The following GUCY1A1 variants were observed in gnomAD, a reference collection of about 807,000 sequenced individuals.
The protein encoded by GUCY1A1 is guanylate cyclase 1 soluble subunit alpha 1.
A neutral mutation model predicts 64.5 loss-of-function variants in GUCY1A1; 48 were observed. The ratio of observed to expected loss-of-function variants is 0.74; its 90% CI spans 0.59 to 0.95. The LOEUF (loss-of-function observed/expected upper bound fraction) is 0.95. GUCY1A1 is among the 40% of genes least tolerant of loss of function. GUCY1A1 has a pLI of 0.00. For missense variants in GUCY1A1, 804 were observed against 825.3 expected, an observed-to-expected ratio of 0.97 and a Z score of 0.32; for synonymous variants, 308 against 303.4, an observed-to-expected ratio of 1.02 and a Z score of -0.16.
intron 2 of GUCY1A1, among the ~76,000 whole-genome samples, chr4:155,696,115 A>G (rs919547173): frequency 1.3e-5 from 2 of 152,198 alleles, no homozygotes; most frequent in Non-Finnish European, 2.9e-5. Flanking sequence ...CTTGGGGATC[A>G]GGAGTTCTGA....
In GUCY1A1 at chr4:155,710,723, G is replaced by A. The variant is rs1732450557; in HGVS notation, c.558G>A (p.Glu186=). Residue 186 remains glutamate (E), a synonymous_variant, in exon 6 of 10, where the codon GAG becomes GAA. Transcript: ENST00000506455. The part of the protein sequence containing the change: ...CQEAGKRGRL[E]DASILCLDKE... ...AAGCAGGAAAAAGGGGCAGGCTTGAGGACGCCTCCATTCTATGCCTGGATA... is the reference window on the plus strand; with the variant it reads ...AAGCAGGAAAAAGGGGCAGGCTTGAAGACGCCTCCATTCTATGCCTGGATA... The A allele has an allele frequency of 6.2e-7, 1 of 1,614,100 alleles. No individual in the cohort carries two copies. Among genetic ancestry groups the A allele is most frequent in the South Asian group, 1.1e-5 (1 of 91,088 alleles).
intron 7 of GUCY1A1, among the ~76,000 whole-genome samples, chr4:155,713,991 T>C (rs1732921537): frequency 6.6e-6 from 1 of 152,214 alleles, no homozygotes; most frequent in Admixed American, 6.5e-5. Context: ...AAGGAAACAT[T>C]ATCCTTTGTA....
intron 4 of GUCY1A1, among the ~76,000 whole-genome samples, chr4:155,706,985 T>C (rs1373692125): frequency 6.6e-6 from 1 of 152,222 alleles, no homozygotes; most frequent in Non-Finnish European, 1.5e-5. Context: ...GCATGAAGAA[T>C]AGGTTTCTTT....
At chr4:155,715,369 C>G (rs1733090116) in intron 7 of GUCY1A1, among the ~76,000 whole-genome samples, 1 of 152,082 alleles carries the variant, frequency 6.6e-6, no homozygotes, top group Admixed American at 6.6e-5. Context: ...TTCTCTCTGT[C>G]TTTCTTGGGT....
rs569963871 is a variant in GUCY1A1, at chr4:155,706,885, C to T, written c.318-1351C>T. Among the ~76,000 whole-genome samples, 20 of 152,248 alleles carry T rather than the reference C, an allele frequency of 1.3e-4. No individual in the cohort carries two copies. The South Asian group carries it at 3.3e-3, about 25-fold the overall frequency. On this transcript the variant is annotated intron_variant, in intron 4 of 9. Coordinates refer to ENST00000506455, the MANE Select transcript of GUCY1A1 (RefSeq NM_001130682.3). ...ATTAGGCAAACATGAATCAACAAGT[C>T]GTGCAGTTAAAACTGCAAAAAAATC...
intron 2 of GUCY1A1, among the ~76,000 whole-genome samples, chr4:155,685,532 T>C (rs6839913): frequency 0.87 from 131,268 of 151,644 alleles, 59,955 homozygotes; most frequent in East Asian, 1. Context: ...CTCTCAGCCC[T>C]GCTCCAGCTT....
At chr4:155,712,587 G>A (rs1240906350) in intron 6 of GUCY1A1, among the ~76,000 whole-genome samples, 1 of 152,128 alleles carries the variant, frequency 6.6e-6, no homozygotes, top group African/African-American at 2.4e-5. Context: ...ACCTTTGGAG[G>A]CTTTTTCACT....
chr4:155,691,880 A>G (rs1045216858), intron 2 of GUCY1A1, among the ~76,000 whole-genome samples: 5 of 152,042 alleles, frequency 3.3e-5, no homozygotes, highest in African/African-American at 1.2e-4. Flanking sequence ...TGCACAGATT[A>G]TTTCATCAGC....
In GUCY1A1 at chr4:155,703,948, T is replaced by C. The variant is rs753726676; in HGVS notation, c.272T>C (p.Val91Ala). The C allele has an allele frequency of 2.5e-6, 4 of 1,606,916 alleles. No homozygotes were observed. The highest frequency in any genetic ancestry group is 1.1e-5 in the South Asian group (1 of 90,190). ...LIFPEFERLN[V>A]ALQRTLAKHK... The stretch of plus-strand genomic sequence containing the variant: ...AACTTTCAGTTTGAACGGCTGAATG[T>C]TGCACTTCAGAGAACATTGGCAAAG... Residue 91 changes from valine (V) to alanine (A), a missense_variant, in exon 4 of 10, where the codon GTT becomes GCT. By Grantham distance (64) the Val-to-Ala change is moderately conservative (BLOSUM62 0). Transcript: ENST00000506455.
chr4:155,711,146 G>C lies in GUCY1A1; in HGVS notation c.981G>C (p.Leu327=). ...KPNFEEYFEI[L]TPKINQTFSG... ...ATTTTGAAGAATACTTTGAAATTCT[G>C]ACTCCAAAAATCAACCAGACGTTTA... The change falls in exon 6 of 10, where the codon CTG becomes CTC. Residue 327 remains leucine (L), a synonymous_variant. Transcript: ENST00000506455. 3 of 1,613,740 alleles carry C rather than the reference G, an allele frequency of 1.9e-6. No homozygotes were observed. The highest frequency in any genetic ancestry group is 2.5e-6 in the Non-Finnish European group (3 of 1,179,652).
intron 7 of GUCY1A1, among the ~76,000 whole-genome samples, chr4:155,713,885 C>T (rs1314397523): frequency 2.0e-5 from 3 of 151,970 alleles, no homozygotes; most frequent in Non-Finnish European, 1.5e-5. Context: ...GGTGTAGGAC[C>T]TGTGAATAGG....
chr4:155,715,617 T>C (rs2126892130), intron 7 of GUCY1A1, among the ~76,000 whole-genome samples: 1 of 152,214 alleles, frequency 6.6e-6, no homozygotes, highest in Non-Finnish European at 1.5e-5. Context: ...AAAGCAGATA[T>C]GGTAGGCCCC....
chr4:155,704,237 A>G (rs1282597983), intron 4 of GUCY1A1, among the ~76,000 whole-genome samples: 2 of 152,244 alleles, frequency 1.3e-5, no homozygotes, highest in Non-Finnish European at 2.9e-5. Flanking sequence ...AGGAAAAGAC[A>G]GAGCTGGGGT....
chr4:155,727,806 T>C (rs1158448657), intron 9 of GUCY1A1, among the ~76,000 whole-genome samples: 1 of 151,628 alleles, frequency 6.6e-6, no homozygotes, highest in Non-Finnish European at 1.5e-5. Flanking sequence ...ATTAATATAA[T>C]AAAATATAAA....
intron 2 of GUCY1A1, among the ~76,000 whole-genome samples, chr4:155,680,838 A>G (rs891547313): frequency 1.8e-4 from 28 of 152,050 alleles, no homozygotes; most frequent in Non-Finnish European, 5.9e-5. Flanking sequence ...GTTTTGCTAC[A>G]TCTGGGATGG....
chr4:155,720,192 T>C (rs1402695580), intron 8 of GUCY1A1, among the ~76,000 whole-genome samples: 8 of 152,110 alleles, frequency 5.3e-5, no homozygotes, highest in Admixed American at 3.3e-4. Context: ...AAAAATGCTA[T>C]GGTAAATTTA....
chr4:155,714,240 C>T (rs1357697101), intron 7 of GUCY1A1, among the ~76,000 whole-genome samples: 1 of 152,200 alleles, frequency 6.6e-6, no homozygotes, highest in Non-Finnish European at 1.5e-5. Flanking sequence ...TTTCTCATCA[C>T]TTCTAAGACA....
chr4:155,691,027 A>G (rs772546396), intron 2 of GUCY1A1, among the ~76,000 whole-genome samples: 2 of 152,244 alleles, frequency 1.3e-5, no homozygotes, highest in Non-Finnish European at 2.9e-5. Flanking sequence ...GAAAATGCAG[A>G]TGAATGGAGA....
chr4:155,678,680 C>G (rs955416197), intron 2 of GUCY1A1, among the ~76,000 whole-genome samples: 9 of 152,184 alleles, frequency 5.9e-5, no homozygotes, highest in Admixed American at 1.3e-4. Flanking sequence ...GGTAACCTTT[C>G]TGCCCACATT....
Sources: allele counts gnomAD v4.1 joint callset (sites outside exome capture counted in the v4.1 genomes callset), GRCh38; gene constraint gnomAD v4.1.1; transcripts MANE v1.5; gene names NCBI Gene and HGNC (gene_info 2026-07-23, HGNC 2026-07-21).